The following SOX6 variants were observed in gnomAD, a reference collection of about 807,000 sequenced individuals.
The protein encoded by SOX6 is SRY-box transcription factor 6.
Under a neutral mutation model 97.8 loss-of-function variants are expected in SOX6, and 11 were observed. The observed-to-expected ratio is 0.11, with a 90% CI of 0.07 to 0.19. The LOEUF is 0.19. Among genes scored for constraint, SOX6 ranks in the 10% least tolerant of loss-of-function variants. The probability of loss-of-function intolerance (pLI) is 1.00; values close to 1 mark genes in which losing one functional copy is unlikely to be tolerated. For missense variants in SOX6, 810 were observed against 1,039.5 expected (o/e 0.78, Z 3.04); for synonymous variants, 360 against 371.4 (o/e 0.97, Z 0.35).
At chr11:16,528,331 C>G (rs538434974) in intron 4 of SOX6, among the ~76,000 whole-genome samples, 56 of 152,194 alleles carry the variant, frequency 3.7e-4, no homozygotes, top group Middle Eastern at 6.8e-3. Context: ...TCACTTACAT[C>G]TCATACCAAT....
chr11:16,014,097 G>GAA (rs969533788), intron 13 of SOX6, among the ~76,000 whole-genome samples: 1 of 152,010 alleles, frequency 6.6e-6, no homozygotes, highest in African/African-American at 2.4e-5. Context: ...CAGCTAATGG[G>GAA]AAAACCAGTC....
At chr11:16,090,789 TATACTC>T (rs1848667903) in intron 9 of SOX6, among the ~76,000 whole-genome samples, 1 of 152,166 alleles carries the variant, frequency 6.6e-6, no homozygotes, top group African/African-American at 2.4e-5. Flanking sequence ...TTAATTAACT[TATACTC>T]TAGTAGGTTA....
chr11:16,659,466 C>T (rs975272615), intron 3 of SOX6, among the ~76,000 whole-genome samples: 1 of 151,938 alleles, frequency 6.6e-6, no homozygotes, highest in Non-Finnish European at 1.5e-5. Context: ...GGTAGTGTCA[C>T]TCTCCAACTC....
At chr11:16,214,864 C>T (rs1483093417) in intron 4 of SOX6, among the ~76,000 whole-genome samples, 1 of 151,724 alleles carries the variant, frequency 6.6e-6, no homozygotes, top group Non-Finnish European at 1.5e-5. Context: ...ATTCTCCTGC[C>T]TCAGCCTCCT....
intron 3 of SOX6, among the ~76,000 whole-genome samples, chr11:16,631,550 T>C (rs1353378601): frequency 2.6e-5 from 4 of 152,320 alleles, no homozygotes; most frequent in African/African-American, 7.2e-5. Flanking sequence ...CTGGTGACAA[T>C]ATGCCTTGGT....
At chr11:16,377,241 G>A (rs1393434977) in intron 1 of SOX6, among the ~76,000 whole-genome samples, 1 of 152,062 alleles carries the variant, frequency 6.6e-6, no homozygotes, top group East Asian at 1.9e-4. Context: ...AAAACTGCAG[G>A]AACCAGGGTA....
intron 4 of SOX6, among the ~76,000 whole-genome samples, chr11:16,220,369 T>A (rs141840853): frequency 6.6e-6 from 1 of 152,056 alleles, no homozygotes; most frequent in Non-Finnish European, 1.5e-5. Flanking sequence ...AGGCATATAA[T>A]AGCTAAACTA....
At chr11:16,518,685 C>A (rs1415370918) in intron 4 of SOX6, among the ~76,000 whole-genome samples, 1 of 152,108 alleles carries the variant, frequency 6.6e-6, no homozygotes, top group African/African-American at 2.4e-5. Flanking sequence ...AACACATTCC[C>A]ATGATAGATC....
intron 3 of SOX6, among the ~76,000 whole-genome samples, chr11:16,666,744 C>A (rs190100337): frequency 1.3e-5 from 2 of 151,940 alleles, no homozygotes; most frequent in Admixed American, 6.6e-5. Flanking sequence ...TGCAGTGAAC[C>A]GAGATCGTGC....
chr11:16,025,944 G>C (rs1855206429), intron 12 of SOX6, among the ~76,000 whole-genome samples: 1 of 152,084 alleles, frequency 6.6e-6, no homozygotes, highest in Admixed American at 6.6e-5. Context: ...GAAATGTAAG[G>C]CCTCTTCATT....
chr11:16,721,622 T>C (rs144668228), intron 2 of SOX6, among the ~76,000 whole-genome samples: 283 of 90,810 alleles, frequency 3.1e-3, no homozygotes, highest in African/African-American at 0.011. Context: ...TCCCTCCCTC[T>C]CTCTCTCTCT....
rs1283723473 is a variant in SOX6, at chr11:16,630,267, C to T, written n.430-18007G>A. Among the ~76,000 whole-genome samples, 4 of 152,232 alleles carry T rather than the reference C, an allele frequency of 2.6e-5. No individual in the cohort carries two copies. The East Asian group carries it at 5.8e-4, about 22-fold the overall frequency. ...TTTCAACATTGCTTTTACTGCATCCCAGAGATTTTGGTATGTTATGTGTCT... is the reference window on the plus strand; with the variant it reads ...TTTCAACATTGCTTTTACTGCATCCTAGAGATTTTGGTATGTTATGTGTCT... On this transcript the variant is annotated intron_variant and non_coding_transcript_variant, in intron 3 of 5. Transcript: ENST00000524520.
intron 6 of SOX6, among the ~76,000 whole-genome samples, chr11:16,149,965 T>C (rs1237703831): frequency 6.6e-6 from 1 of 152,212 alleles, no homozygotes; most frequent in Non-Finnish European, 1.5e-5. Flanking sequence ...TTGATTTGAC[T>C]GAATTAAACA....
chr11:16,623,453 G>C (rs768019873), intron 3 of SOX6, among the ~76,000 whole-genome samples: 1 of 151,950 alleles, frequency 6.6e-6, no homozygotes, highest in Non-Finnish European at 1.5e-5. Flanking sequence ...TGTAGATTCT[G>C]GATATTAGTC....
chr11:15,992,398 T>C (rs1271908043), intron 13 of SOX6, among the ~76,000 whole-genome samples: 1 of 152,212 alleles, frequency 6.6e-6, no homozygotes, highest in Non-Finnish European at 1.5e-5. Flanking sequence ...CTTTGCAAAA[T>C]CAAAACTTGG....
intron 4 of SOX6, among the ~76,000 whole-genome samples, chr11:16,527,028 A>C (rs1386048553): frequency 6.6e-6 from 1 of 152,156 alleles, no homozygotes; most frequent in African/African-American, 2.4e-5. Context: ...AGTAGATCCC[A>C]ATCCAAAGAA....
At chr11:16,497,438 T>G (rs1261149497) in intron 4 of SOX6, among the ~76,000 whole-genome samples, 1 of 152,096 alleles carries the variant, frequency 6.6e-6, no homozygotes, top group African/African-American at 2.4e-5. Context: ...ATGCAGGTCC[T>G]CACCAGCAAC....
At chr11:16,316,718 CT>C (rs1338623198) in intron 3 of SOX6, 1 of 152,078 alleles carries the variant, frequency 6.6e-6, no homozygotes, top group East Asian at 1.9e-4. Flanking sequence ...AAACCACTTA[CT>C]TATAGAACTG....
chr11:16,558,491 C>T (rs534188408), intron 4 of SOX6, among the ~76,000 whole-genome samples: 1 of 152,054 alleles, frequency 6.6e-6, no homozygotes, highest in Non-Finnish European at 1.5e-5. Context: ...CTATGAACTA[C>T]AATCACTGCT....
Sources: allele counts gnomAD v4.1 joint callset (sites outside exome capture counted in the v4.1 genomes callset), GRCh38; gene constraint gnomAD v4.1.1; transcripts MANE v1.5; gene names NCBI Gene and HGNC (gene_info 2026-07-23, HGNC 2026-07-21).